Variants in TRDN observed in about 807,000 individuals in gnomAD.
TRDN encodes triadin in skeletal muscle.
A neutral mutation model predicts 149.7 loss-of-function variants in TRDN; 161 were observed. That is an observed-to-expected ratio of 1.08 (90% CI 0.95 to 1.23). The LOEUF is 1.23. Ranked by LOEUF, TRDN falls within the 50% of genes most tolerant of loss-of-function variation. TRDN has a pLI of 0.00. For missense variants in TRDN, 896 were observed against 823.5 expected, an observed-to-expected ratio of 1.09 and a Z score of -1.08; for synonymous variants, 294 against 250.5, an observed-to-expected ratio of 1.17 and a Z score of -1.64.
intron 4 of TRDN, among the ~76,000 whole-genome samples, chr6:123,544,776 G>A (rs979133060): frequency 1.3e-5 from 2 of 151,916 alleles, no homozygotes; most frequent in East Asian, 1.9e-4. Flanking sequence ...TGAAAAATAT[G>A]CATGAAGAAT....
At chr6:123,227,929 A>G (rs183439265) in intron 38 of TRDN, among the ~76,000 whole-genome samples, 2 of 151,976 alleles carry the variant, frequency 1.3e-5, no homozygotes, top group Admixed American at 6.6e-5. Flanking sequence ...AGACAGAACA[A>G]GAACATAATC....
chr6:123,480,939 C>T (rs1368912228), intron 9 of TRDN, among the ~76,000 whole-genome samples: 2 of 151,984 alleles, frequency 1.3e-5, no homozygotes, highest in Admixed American at 6.6e-5. Flanking sequence ...TTCCCAGACT[C>T]CTAGAATCTG....
chr6:123,382,050 C>T, intron 15 of TRDN, 68 bp downstream of exon 15: 1 of 1,110,510 alleles, frequency 9.0e-7, no homozygotes, highest in Admixed American at 4.1e-5. Context: ...TACATCAATC[C>T]TTTAAGAAGG....
intron 1 of TRDN, among the ~76,000 whole-genome samples, chr6:123,586,729 A>G (rs193038692): frequency 2.5e-4 from 38 of 152,114 alleles, no homozygotes; most frequent in African/African-American, 8.7e-4. Context: ...AAGGGAGAAG[A>G]AGGAGGAATG....
At chr6:123,443,468 G>T (rs1355620624) in intron 10 of TRDN, among the ~76,000 whole-genome samples, 1 of 151,996 alleles carries the variant, frequency 6.6e-6, no homozygotes, top group Non-Finnish European at 1.5e-5. Flanking sequence ...CAGAGATCCT[G>T]AAATGACAGC....
intron 1 of TRDN, among the ~76,000 whole-genome samples, chr6:123,604,538 G>A (rs1445621705): frequency 6.6e-6 from 1 of 152,146 alleles, no homozygotes; most frequent in Non-Finnish European, 1.5e-5. Context: ...ATTTTGGAAA[G>A]CTTATTTAAA....
chr6:123,460,324 G>A (rs1017208638), intron 10 of TRDN, among the ~76,000 whole-genome samples: 1 of 152,058 alleles, frequency 6.6e-6, no homozygotes, highest in African/African-American at 2.4e-5. Flanking sequence ...AAAATTAATG[G>A]TTTTTATATG....
At chr6:123,540,686 T>A (rs144154321) in intron 4 of TRDN, among the ~76,000 whole-genome samples, 3,722 of 152,186 alleles carry the variant, frequency 0.024, 161 homozygotes, top group African/African-American at 0.084. Flanking sequence ...GCCTGGCTAA[T>A]TTTTTGTATT....
intron 20 of TRDN, among the ~76,000 whole-genome samples, chr6:123,359,286 G>A (rs1282075967): frequency 3.9e-5 from 6 of 152,164 alleles, no homozygotes; most frequent in Non-Finnish European, 8.8e-5. Context: ...TAGGATTGTT[G>A]TAGCATAGAA....
chr6:123,432,920 A>G (rs966210003), intron 12 of TRDN, among the ~76,000 whole-genome samples: 2 of 151,870 alleles, frequency 1.3e-5, no homozygotes, highest in African/African-American at 4.8e-5. Context: ...GGACTTCCCC[A>G]GGTCTTGATC....
chr6:123,265,776 A>T (rs2114599800), intron 32 of TRDN, among the ~76,000 whole-genome samples: 1 of 147,804 alleles, frequency 6.8e-6, no homozygotes, highest in East Asian at 1.9e-4. Context: ...ATTAATTTAT[A>T]CTAACTCTCC....
chr6:123,269,772 T>TA (rs1228399390), intron 31 of TRDN, 77 bp downstream of exon 31: 29 of 1,473,582 alleles, frequency 2.0e-5, no homozygotes, highest in Admixed American at 7.5e-5. Flanking sequence ...ACATTTTTCT[T>TA]AAAAAAACTA....
intron 21 of TRDN, chr6:123,350,136 T>C: frequency 1.0e-6 from 1 of 973,304 alleles, no homozygotes; most frequent in Non-Finnish European, 1.2e-6. Context: ...TTAAAATTTA[T>C]TCTTGATGGT....
intron 31 of TRDN, among the ~76,000 whole-genome samples, chr6:123,268,592 C>A (rs907401242): frequency 3.9e-5 from 6 of 151,934 alleles, no homozygotes; most frequent in African/African-American, 1.4e-4. Flanking sequence ...TTTACTTGTC[C>A]TTTCTTTCCC....
chr6:123,600,826 T>C (rs1739998301), intron 1 of TRDN, among the ~76,000 whole-genome samples: 1 of 152,128 alleles, frequency 6.6e-6, no homozygotes, highest in African/African-American at 2.4e-5. Flanking sequence ...GCTTCCCACA[T>C]TTAAACTCTA....
chr6:123,473,219 C>T (rs1777278481), intron 9 of TRDN, among the ~76,000 whole-genome samples: 1 of 152,022 alleles, frequency 6.6e-6, no homozygotes, highest in African/African-American at 2.4e-5. Context: ...GAATGTATAA[C>T]TAGAATAACC....
In TRDN at chr6:123,269,852, T is replaced by C. The variant is rs775518632; in HGVS notation, c.1735A>G (p.Thr579Ala). 1.2e-6 allele frequency: 2 copies of C among 1,610,814 alleles called. No individual in the cohort carries two copies. ...TIEKTAKPKP[T>A]KKAEHREREP... ...TGTTATTCTATTCATCTCTTACTTG[T>C]TGGTTTGGGCTTGGCTGTGGAGAAT... The change falls in exon 31 of 41, where the codon ACA becomes GCA. Residue 579 changes from threonine (T) to alanine (A), a missense_variant. Transcript: ENST00000334268.
chr6:123,381,492 A>T (rs1781719165), intron 15 of TRDN, 102 bp from the exon 16 acceptor site: 1 of 1,104,040 alleles, frequency 9.1e-7, no homozygotes. Flanking sequence ...CCCTCCTTCC[A>T]ATTTTCTCTC....
rs1162190609 is a variant in TRDN at position 123,574,857 on chromosome 6, C to CATATATATAT, written c.23-3735_23-3726dup. 4.4e-3 allele frequency among the ~76,000 whole-genome samples: 220 copies of CATATATATAT among 50,464 alleles called. 1 individual carries two copies. The highest frequency in any genetic ancestry group is 0.014 in the Middle Eastern group (1 of 70). The allele number at this position is 50,464 out of a possible 152,430, so 33.1% of individuals were successfully genotyped here. On this transcript the variant is annotated intron_variant, in intron 1 of 40. Transcript: ENST00000334268. Reference sequence around the variant, plus strand: ...AAAACAGAACATGAATTTATATATACATATATATATATATATATATATATA... The same window carrying CATATATATAT: ...AAAACAGAACATGAATTTATATATACATATATATATATATATATATATATATATATATATA...
Sources: allele counts gnomAD v4.1 joint callset (sites outside exome capture counted in the v4.1 genomes callset), GRCh38; gene constraint gnomAD v4.1.1; transcripts MANE v1.5; gene names NCBI Gene and HGNC (gene_info 2026-07-23, HGNC 2026-07-21).